The following CRHR2 variants were observed in gnomAD, a reference collection of about 807,000 sequenced individuals.
CRHR2 encodes the protein corticotropin releasing hormone receptor 2, also known as corticotropin-releasing hormone receptor 2.
CRHR2 carries 53 observed loss-of-function variants against 57.9 expected under a neutral mutation model. That is an observed-to-expected ratio of 0.92 (90% CI 0.73 to 1.15). CRHR2 has a LOEUF of 1.15. Among genes scored for constraint, CRHR2 ranks in the 50% most tolerant of loss-of-function variants. CRHR2 has a pLI of 0.00. For synonymous variants in CRHR2, 213 were observed against 220.9 expected (o/e 0.96, Z 0.32); for missense variants, 532 against 542.6 (o/e 0.98, Z 0.19).
chr7:30,665,293 A>C lies in CRHR2; in HGVS notation c.426-106T>G, dbSNP rs1784143467. The C allele has an allele frequency of 1.0e-6, 1 of 974,276 alleles. No individual in the cohort carries two copies. The highest frequency in any genetic ancestry group is 1.6e-5 in the African/African-American group (1 of 62,652). The allele number at this position is 974,276 out of a possible 1,614,324, so 60.4% of individuals were successfully genotyped here. A position where few individuals can be genotyped will look rare whatever the true frequency, so the allele number is the denominator to read the frequency against. On this transcript the variant is annotated intron_variant, in intron 4 of 11. Coordinates refer to ENST00000471646, the MANE Select transcript of CRHR2 (RefSeq NM_001883.5). The surrounding 1 kb of genome is among the most constrained non-coding windows in gnomAD (Gnocchi z 4.5). ...CAGCCTGGGATGAGGGCAGGGCTGC[A>C]CTAGGAGCCACTTCCCACCCATGGT...
chr7:30,658,354 T>C (rs1783867988), intron 8 of CRHR2, among the ~76,000 whole-genome samples: 1 of 152,136 alleles, frequency 6.6e-6, no homozygotes, highest in East Asian at 1.9e-4. Context: ...TGTGTCAGGC[T>C]CTGAGCCAGG....
At chr7:30,669,893 C>T (rs1584107053) in intron 2 of CRHR2, among the ~76,000 whole-genome samples, 1 of 151,818 alleles carries the variant, frequency 6.6e-6, no homozygotes, top group African/African-American at 2.4e-5. Flanking sequence ...TGTGTGGATC[C>T]ACCACTTAAA....
intron 2 of CRHR2, among the ~76,000 whole-genome samples, chr7:30,670,898 C>T (rs1000653204): frequency 2.0e-5 from 3 of 152,216 alleles, no homozygotes; most frequent in African/African-American, 7.2e-5. Flanking sequence ...GCAGGGTCTT[C>T]TCTTGCAGGA....
At chr7:30,655,806 C>T (rs111248430) in intron 9 of CRHR2, 91 bp from the exon 10 acceptor site, 16 of 1,589,308 alleles carry the variant, frequency 1.0e-5, no homozygotes, top group African/African-American at 2.7e-5. Context: ...GTGTTTCTTC[C>T]GGGAGCTTGA....
At chr7:30,675,455 G>A (rs1240815451) in intron 2 of CRHR2, among the ~76,000 whole-genome samples, 1 of 152,266 alleles carries the variant, frequency 6.6e-6, no homozygotes, top group Non-Finnish European at 1.5e-5. Context: ...TTGAAAAGCA[G>A]TATCCTTCCA....
chr7:30,679,379 T>C (rs1305339336), intron 2 of CRHR2, among the ~76,000 whole-genome samples: 1 of 152,244 alleles, frequency 6.6e-6, no homozygotes, highest in Non-Finnish European at 1.5e-5. Flanking sequence ...AATAAGTTAC[T>C]TCATGTGTCT....
intron 8 of CRHR2, among the ~76,000 whole-genome samples, chr7:30,658,360 C>T (rs902611972): frequency 6.6e-6 from 1 of 152,200 alleles, no homozygotes; most frequent in African/African-American, 2.4e-5. Context: ...AGGCTCTGAG[C>T]CAGGCATCAG....
chr7:30,686,656 AT>A, upstream of CRHR2: 3 of 748,082 alleles, frequency 4.0e-6, no homozygotes, highest in Non-Finnish European at 6.6e-6. Flanking sequence ...GTCCATTTGG[AT>A]TTTTATATCA....
chr7:30,675,434 G>A (rs1001535542), intron 2 of CRHR2, among the ~76,000 whole-genome samples: 1 of 152,256 alleles, frequency 6.6e-6, no homozygotes, highest in African/African-American at 2.4e-5. Flanking sequence ...TTGAGATTTA[G>A]ATGGCACATT....
Position 30,656,032 on chromosome 7 carries a change from G to T in CRHR2, c.832-20C>A, listed in dbSNP as rs200843646. 2 of 1,604,150 alleles carry T rather than the reference G, an allele frequency of 1.2e-6. No individual in the cohort carries two copies. The highest frequency in any genetic ancestry group is 1.1e-5 in the South Asian group (1 of 90,872). ...ATTGATCTGGAGGGAGGGCGGGCAT[G>T]GGAAAGAGGGAAAAGGAAGGAGCAC... On this transcript the variant is annotated intron_variant, in intron 8 of 11. Transcript: ENST00000471646. The surrounding 1 kb of genome is among the most constrained non-coding windows in gnomAD (Gnocchi z 4.4).
chr7:30,667,786 T>A (rs1464365391), intron 2 of CRHR2, among the ~76,000 whole-genome samples: 1 of 152,254 alleles, frequency 6.6e-6, no homozygotes, highest in Non-Finnish European at 1.5e-5. Context: ...CTGCTATGGA[T>A]ATACATGTCA....
In CRHR2 at chr7:30,690,389, C is replaced by T. The variant is rs944447589; in HGVS notation, c.-260-1105G>A. ...TTCTAACGCTTGGCCCCATTCCTCC[C>T]AAGACCACTCCTTTTCTTGCTCTAT... On this transcript the variant is annotated intron_variant, in intron 1 of 13. Coordinates refer to the CRHR2 transcript ENST00000341843. Among the ~76,000 whole-genome samples the T allele has an allele frequency of 2.6e-5, 4 of 151,222 alleles. No individual in the cohort carries two copies. The East Asian group carries it at 7.8e-4, about 29-fold the overall frequency.
At chr7:30,663,397 C>T (rs1784085065) in intron 5 of CRHR2, among the ~76,000 whole-genome samples, 1 of 152,206 alleles carries the variant, frequency 6.6e-6, no homozygotes, top group Admixed American at 6.5e-5. Flanking sequence ...ATTACTAGCT[C>T]TGGAGGGAGA....
intron 2 of CRHR2, chr7:30,688,960 G>A (rs535775852): frequency 3.2e-6 from 2 of 631,426 alleles, no homozygotes; most frequent in South Asian, 1.5e-5. Context: ...GCTGGGAATG[G>A]GGAGTGGCCT....
Position 30,681,926 on chromosome 7 carries a change from T to C in CRHR2, c.218A>G (p.Tyr73Cys), listed in dbSNP as rs954830164. The change falls in exon 2 of 12, where the codon TAC becomes TGC. Residue 73 changes from tyrosine to cysteine, a missense_variant. Coordinates refer to ENST00000471646, the MANE Select transcript of CRHR2 (RefSeq NM_001883.5). ...PCPEYFNGVKYNTTRNAYREC... is the reference protein window; with the variant it reads ...PCPEYFNGVKCNTTRNAYREC... ...CCGGGGGCACTCACGGGTCGTGTTGTACTTGACGCCGTTGAAGTACTCGGG... is the reference window on the plus strand; with the variant it reads ...CCGGGGGCACTCACGGGTCGTGTTGCACTTGACGCCGTTGAAGTACTCGGG... 6.2e-7 allele frequency: 1 copy of C among 1,612,066 alleles called. No homozygotes were observed.
chr7:30,688,547 T>G (rs1584138666), intron 2 of CRHR2, among the ~76,000 whole-genome samples: 1 of 152,206 alleles, frequency 6.6e-6, no homozygotes, highest in Admixed American at 6.5e-5. Context: ...GTAGGCTGGG[T>G]CTGGGTGCTG....
chr7:30,660,387 G>A (rs892883596), intron 8 of CRHR2, among the ~76,000 whole-genome samples, 186 bp downstream of exon 8: 3 of 152,222 alleles, frequency 2.0e-5, no homozygotes, highest in African/African-American at 7.2e-5. Context: ...CCAGGGCATC[G>A]AGCATGAGGA....
At chr7:30,675,496 G>A (rs1258765391) in intron 2 of CRHR2, among the ~76,000 whole-genome samples, 3 of 152,236 alleles carry the variant, frequency 2.0e-5, no homozygotes, top group Non-Finnish European at 2.9e-5. Flanking sequence ...ATAGGGCTAC[G>A]GACAAGCAGC....
intron 2 of CRHR2, among the ~76,000 whole-genome samples, chr7:30,680,818 T>TTGTGTGTGTGTGTGTGTGTGTG (rs60568949): frequency 2.8e-5 from 4 of 145,370 alleles, no homozygotes; most frequent in African/African-American, 1.0e-4. Flanking sequence ...TTCTGAAAGC[T>TTGTGTGTGTGTGTGTGTGTGTG]TGTGTGTGTG....
Sources: allele counts gnomAD v4.1 joint callset (sites outside exome capture counted in the v4.1 genomes callset), GRCh38; gene constraint gnomAD v4.1.1; non-coding constraint Gnocchi (gnomAD v3.1); transcripts MANE v1.5; gene names NCBI Gene and HGNC (gene_info 2026-07-23, HGNC 2026-07-21).